Variants in GRIN2B observed in about 807,000 individuals in gnomAD.
GRIN2B encodes glutamate receptor ionotropic, NMDA 2B.
A neutral mutation model predicts 114.5 loss-of-function variants in GRIN2B; 5 were observed. The observed-to-expected ratio is 0.04, with a 90% confidence interval of 0.02 to 0.09. The LOEUF (loss-of-function observed/expected upper bound fraction) is 0.09. Ranked by LOEUF, GRIN2B falls within the 10% of genes least tolerant of loss-of-function variation. GRIN2B has a pLI of 1.00. For missense variants in GRIN2B, 1,108 were observed against 1,943.5 expected, an observed-to-expected ratio of 0.57 and a Z score of 8.08; for synonymous variants, 787 against 745.1, an observed-to-expected ratio of 1.06 and a Z score of -0.92.
At chr12:13,585,536 G>A (rs561613990) in intron 10 of GRIN2B, among the ~76,000 whole-genome samples, 2 of 152,256 alleles carry the variant, frequency 1.3e-5, no homozygotes, top group South Asian at 2.1e-4. Flanking sequence ...ATCCCACCAC[G>A]CACACTGCAT....
chr12:13,899,412 G>A (rs1177435476), intron 2 of GRIN2B, among the ~76,000 whole-genome samples: 3 of 105,980 alleles, frequency 2.8e-5, no homozygotes, highest in African/African-American at 8.0e-5. Context: ...GTTGAAGAGT[G>A]TTTAATCGTA....
intron 2 of GRIN2B, among the ~76,000 whole-genome samples, chr12:13,971,924 G>A (rs898119848): frequency 3.3e-5 from 5 of 152,102 alleles, no homozygotes; most frequent in East Asian, 3.9e-4. Flanking sequence ...ACTAAGTACC[G>A]TCATATCCCA....
chr12:13,636,706 C>T (rs1949669208), intron 5 of GRIN2B, among the ~76,000 whole-genome samples: 1 of 152,162 alleles, frequency 6.6e-6, no homozygotes, highest in Admixed American at 6.5e-5. Flanking sequence ...AGATCCTGGG[C>T]AGAACAGTGA....
intron 2 of GRIN2B, among the ~76,000 whole-genome samples, chr12:13,878,212 A>G (rs957511041): frequency 2.0e-4 from 30 of 152,152 alleles, no homozygotes; most frequent in African/African-American, 7.2e-4. Flanking sequence ...TCAGGAGATG[A>G]GTAGGAACAA....
rs1292242317 is a variant in GRIN2B, at chr12:13,552,659, C to T, written c.*10124G>A. 6.7e-6 allele frequency: 1 copy of T among 148,162 alleles called. No individual in the cohort carries two copies. 9.2% of individuals were successfully genotyped at this position (148,162 alleles called of 1,614,324 possible). A position where few individuals can be genotyped will look rare whatever the true frequency, so the allele number is the denominator to read the frequency against. On this transcript the variant is annotated 3_prime_UTR_variant, in exon 14 of 14. Coordinates refer to ENST00000609686, the MANE Select transcript of GRIN2B (RefSeq NM_000834.5). ...TTTACCAGATAATTTGTTTCATCAG[C>T]TAAAAAAAAAAGTCTCATAGTATAA...
intron 3 of GRIN2B, among the ~76,000 whole-genome samples, chr12:13,821,457 A>G (rs1179463405): frequency 6.6e-6 from 1 of 152,204 alleles, no homozygotes; most frequent in Non-Finnish European, 1.5e-5. Flanking sequence ...AAGATGCCTC[A>G]TATGCAAAGG....
At chr12:13,767,331 C>T (rs924952049) in intron 3 of GRIN2B, among the ~76,000 whole-genome samples, 2 of 151,634 alleles carry the variant, frequency 1.3e-5, no homozygotes, top group African/African-American at 4.8e-5. Flanking sequence ...AGTCCCTGTG[C>T]TCCATTCATT....
chr12:13,714,452 G>A (rs1950439135), intron 4 of GRIN2B, among the ~76,000 whole-genome samples: 1 of 151,860 alleles, frequency 6.6e-6, no homozygotes. Context: ...AAGAAATACT[G>A]TATTTTTATG....
intron 10 of GRIN2B, among the ~76,000 whole-genome samples, chr12:13,578,429 A>G (rs1445115853): frequency 6.6e-6 from 1 of 152,206 alleles, no homozygotes; most frequent in Non-Finnish European, 1.5e-5. Flanking sequence ...TGAGGCCACC[A>G]TGCCGGAGAT....
chr12:13,846,096 T>G (rs1352841747), intron 3 of GRIN2B, among the ~76,000 whole-genome samples: 1 of 152,170 alleles, frequency 6.6e-6, no homozygotes, highest in African/African-American at 2.4e-5. Flanking sequence ...CCCTTTATTT[T>G]CAGATGAAGA....
chr12:13,781,059 AAAT>A (rs1864103753), intron 3 of GRIN2B, among the ~76,000 whole-genome samples: 1 of 152,204 alleles, frequency 6.6e-6, no homozygotes, highest in South Asian at 2.1e-4. Context: ...AAAAATAAAA[AAAT>A]AACATGGAGA....
chr12:13,693,568 G>A (rs527862438), intron 4 of GRIN2B, among the ~76,000 whole-genome samples: 53 of 146,254 alleles, frequency 3.6e-4, no homozygotes, highest in African/African-American at 1.1e-3. Context: ...TACATCCAGA[G>A]GCTGAGCTGG....
intron 3 of GRIN2B, among the ~76,000 whole-genome samples, chr12:13,860,188 A>G (rs1471337203): frequency 1.3e-5 from 2 of 152,232 alleles, no homozygotes; most frequent in Non-Finnish European, 2.9e-5. Context: ...GGTAGAGGAT[A>G]GGGGAAGAGG....
In GRIN2B at chr12:13,560,381, A is replaced by G. The variant is rs1165509209; in HGVS notation, c.*2402T>C. 1 of 152,250 alleles carries G rather than the reference A, an allele frequency of 6.6e-6. No homozygotes were observed. The highest frequency in any genetic ancestry group is 2.4e-5 in the African/African-American group (1 of 41,470). 9.4% of individuals were successfully genotyped at this position (152,250 alleles called of 1,614,324 possible). A position where few individuals can be genotyped will look rare whatever the true frequency, so the allele number is the denominator to read the frequency against. On this transcript the variant is annotated 3_prime_UTR_variant, in exon 14 of 14. Transcript: ENST00000609686. The stretch of plus-strand genomic sequence containing the variant: ...ATACTCACAAGAGAACACTTTATCT[A>G]TACAAAATTAGAAAACAAAATATTT...
intron 4 of GRIN2B, among the ~76,000 whole-genome samples, chr12:13,716,059 T>C (rs1950452534): frequency 6.6e-6 from 1 of 151,922 alleles, no homozygotes; most frequent in South Asian, 2.1e-4. Flanking sequence ...CTGCAGGATT[T>C]TTTAAAAGCC....
chr12:13,563,580 A>T lies in GRIN2B; in HGVS notation c.3658T>A (p.Ser1220Thr). The change falls in exon 14 of 14, where the codon TCC (serine) becomes ACC (threonine). Residue 1220 changes from serine to threonine, a missense_variant. Transcript: ENST00000609686. Reference sequence around the variant, plus strand: ...GTCGTGGAGTAGTTGTGCAGCTTGGAGGGACAGCTGCGGCAGAAGTTGCCC... The same window carrying T: ...GTCGTGGAGTAGTTGTGCAGCTTGGTGGGACAGCTGCGGCAGAAGTTGCCC... The part of the protein sequence containing the change: ...SGGNFCRSCP[S>T]KLHNYSTTVT... 6.2e-7 allele frequency: 1 copy of T among 1,614,056 alleles called. No individual in the cohort carries two copies. The highest frequency in any genetic ancestry group is 8.5e-7 in the Non-Finnish European group (1 of 1,179,984).
Position 13,561,386 on chromosome 12 carries a change from C to T in GRIN2B, c.*1397G>A, listed in dbSNP as rs1948541145. 6.6e-6 allele frequency: 1 copy of T among 152,462 alleles called. No homozygotes were observed. The highest frequency in any genetic ancestry group is 1.5e-5 in the Non-Finnish European group (1 of 68,052). The allele number at this position is 152,462 out of a possible 1,614,324, so 9.4% of individuals were successfully genotyped here. ...CCAAGTCTCTTCCCCTCTTTTCGTA[C>T]CTCCAGAGCTGCACTCATGGAGTGC... On this transcript the variant is annotated 3_prime_UTR_variant, in exon 14 of 14. Coordinates refer to ENST00000609686, the MANE Select transcript of GRIN2B (RefSeq NM_000834.5).
At chr12:13,812,248 C>CA (rs144738450) in intron 3 of GRIN2B, among the ~76,000 whole-genome samples, 155 of 144,018 alleles carry the variant, frequency 1.1e-3, no homozygotes, top group East Asian at 7.3e-3. Context: ...GAAGAAACTG[C>CA]AAAAAAAAAA....
chr12:13,898,025 T>A (rs952300411), intron 2 of GRIN2B, among the ~76,000 whole-genome samples: 3 of 148,800 alleles, frequency 2.0e-5, no homozygotes, highest in East Asian at 2.0e-4. Flanking sequence ...AATAAATAAA[T>A]AAAAAAGAAA....
Sources: allele counts gnomAD v4.1 joint callset (sites outside exome capture counted in the v4.1 genomes callset), GRCh38; gene constraint gnomAD v4.1.1; transcripts MANE v1.5; gene names NCBI Gene and HGNC (gene_info 2026-07-23, HGNC 2026-07-21).